The following VPS54 variants were observed in gnomAD, a reference collection of about 807,000 sequenced individuals.
VPS54 encodes vacuolar protein sorting-associated protein 54.
VPS54 carries 45 observed loss-of-function variants against 121.5 expected under a neutral mutation model. The ratio of observed to expected loss-of-function variants is 0.37; its 90% CI spans 0.29 to 0.47. The LOEUF is 0.47. Among genes scored for constraint, VPS54 ranks in the 20% least tolerant of loss-of-function variants. VPS54 has a pLI of 0.99. For missense variants in VPS54, 1,090 were observed against 1,131.4 expected (o/e 0.96, Z 0.52); for synonymous variants, 371 against 385.8 (o/e 0.96, Z 0.45).
At chr2:63,966,058 G>A (rs1344014838) in intron 5 of VPS54, 92 bp from the exon 6 acceptor site, 12 of 1,304,562 alleles carry the variant, frequency 9.2e-6, no homozygotes, top group South Asian at 1.6e-5. Context: ...CAAAATTAAC[G>A]TGGATCTTGA....
intron 3 of VPS54, among the ~76,000 whole-genome samples, chr2:63,978,941 A>C (rs1397880180): frequency 6.6e-6 from 1 of 152,138 alleles, no homozygotes. Flanking sequence ...TTTTTCTCGA[A>C]AGAGATTTGG....
chr2:63,992,388 C>T (rs573606559), intron 1 of VPS54, among the ~76,000 whole-genome samples: 14 of 152,312 alleles, frequency 9.2e-5, no homozygotes, highest in Admixed American at 5.2e-4. Context: ...GGAAAACATG[C>T]GGTATGTTCC....
intron 1 of VPS54, among the ~76,000 whole-genome samples, chr2:63,994,573 G>C (rs1031864988): frequency 1.3e-5 from 2 of 152,194 alleles, no homozygotes; most frequent in Non-Finnish European, 2.9e-5. Flanking sequence ...CTGTGCCTCG[G>C]ACATGCACCT....
chr2:63,918,637 C>T (rs990542043), intron 15 of VPS54, among the ~76,000 whole-genome samples: 2 of 151,950 alleles, frequency 1.3e-5, no homozygotes, highest in Non-Finnish European at 2.9e-5. Flanking sequence ...TTTCTCTGCC[C>T]TATATCAACT....
At chr2:63,913,161 G>A in intron 18 of VPS54, 62 bp downstream of exon 18, 1 of 1,361,416 alleles carries the variant, frequency 7.3e-7, no homozygotes, top group South Asian at 1.4e-5. Flanking sequence ...AAAAAAACAT[G>A]ATGAGAACAG....
chr2:63,936,291 A>C (rs1422361995), intron 11 of VPS54, among the ~76,000 whole-genome samples: 1 of 152,178 alleles, frequency 6.6e-6, no homozygotes, highest in African/African-American at 2.4e-5. Flanking sequence ...TATTTTTTCC[A>C]AATCCAAAGC....
intron 1 of VPS54, among the ~76,000 whole-genome samples, chr2:63,991,872 G>A (rs530473999): frequency 2.6e-5 from 4 of 152,312 alleles, no homozygotes; most frequent in African/African-American, 7.2e-5. Flanking sequence ...CTTCTTCTCA[G>A]TACAATGCTT....
At chr2:63,938,059 G>GGGGTGTGTGTGT (rs1553475198) in intron 11 of VPS54, among the ~76,000 whole-genome samples, 6 of 140,478 alleles carry the variant, frequency 4.3e-5, no homozygotes, top group East Asian at 2.0e-4. Context: ...TGGTGTGTGT[G>GGGGTGTGTGTGT]GTGTGTGTGT....
chr2:63,989,395 T>C (rs1266783739), intron 1 of VPS54, among the ~76,000 whole-genome samples: 3 of 152,196 alleles, frequency 2.0e-5, no homozygotes, highest in Non-Finnish European at 4.4e-5. Context: ...GGGGGCATCA[T>C]GGAACCTGCT....
chr2:63,931,836 G>C (rs1674218495), intron 12 of VPS54, among the ~76,000 whole-genome samples: 1 of 152,162 alleles, frequency 6.6e-6, no homozygotes, highest in Admixed American at 6.5e-5. Flanking sequence ...CCATCAAAAA[G>C]TGGGCAAAGG....
At chr2:63,981,584 G>T in intron 3 of VPS54, 62 bp downstream of exon 3, 1 of 1,490,084 alleles carries the variant, frequency 6.7e-7, no homozygotes. Flanking sequence ...CTATAATAAA[G>T]CATACTAAAA....
intron 4 of VPS54, among the ~76,000 whole-genome samples, chr2:63,970,210 T>TACACACACACAC (rs1301850062): frequency 2.0e-5 from 2 of 101,588 alleles, no homozygotes; most frequent in Admixed American, 1.1e-4. Context: ...AAAATATATA[T>TACACACACACAC]ATACACACAC....
intron 7 of VPS54, among the ~76,000 whole-genome samples, chr2:63,960,527 T>C (rs2104557323): frequency 1.3e-5 from 2 of 152,280 alleles, no homozygotes; most frequent in South Asian, 2.1e-4. Context: ...GAGGTAAAAA[T>C]TAGAACAATT....
At chr2:63,911,483 A>T (rs1251668388) in intron 20 of VPS54, among the ~76,000 whole-genome samples, 1 of 152,144 alleles carries the variant, frequency 6.6e-6, no homozygotes, top group Non-Finnish European at 1.5e-5. Flanking sequence ...TATTAATAAG[A>T]TGCTATTTAT....
In VPS54 at chr2:63,916,975, A is replaced by G. The variant is rs986271296; in HGVS notation, c.2165-12T>C. ...CCTTTCTTCTGTGGCTACAGAGTTAAGCAAATAAACGAGAGACAAGAGTAC... is the reference window on the plus strand; with the variant it reads ...CCTTTCTTCTGTGGCTACAGAGTTAGGCAAATAAACGAGAGACAAGAGTAC... On this transcript the variant is annotated splice_polypyrimidine_tract_variant and intron_variant, in intron 15 of 22. Transcript: ENST00000272322. 1.2e-6 allele frequency: 2 copies of G among 1,613,228 alleles called. No individual in the cohort carries two copies. Among genetic ancestry groups the G allele is most frequent in the Admixed American group, 1.7e-5 (1 of 59,992 alleles).
chr2:63,912,561 C>T lies in VPS54; in HGVS notation c.2523G>A (p.Arg841=), dbSNP rs778913454. Residue 841 remains arginine (R), a synonymous_variant, in exon 19 of 23, where the codon AGG becomes AGA. Transcript: ENST00000272322. ...GTACCTTAGTGATATGATCAAAATG[C>T]CTAAGCATGCTATATTGCTTAGGTG... is the stretch of plus-strand genomic sequence containing the variant. ...RLPPKQYSML[R]HFDHITKDYH... is the part of the protein sequence containing the mutation. 1.2e-6 allele frequency: 2 copies of T among 1,611,142 alleles called. No individual in the cohort carries two copies. The highest frequency in any genetic ancestry group is 1.7e-6 in the Non-Finnish European group (2 of 1,179,280).
intron 7 of VPS54, among the ~76,000 whole-genome samples, chr2:63,949,465 T>A (rs147431471): frequency 1.3e-5 from 2 of 152,214 alleles, no homozygotes; most frequent in Admixed American, 6.5e-5. Flanking sequence ...TAATAGCTTA[T>A]GTTGACCAGA....
chr2:64,015,617 A>C (rs931880932), intron 1 of VPS54, among the ~76,000 whole-genome samples: 3 of 152,208 alleles, frequency 2.0e-5, no homozygotes, highest in Non-Finnish European at 4.4e-5. Context: ...TATGACAACC[A>C]AAAATGTCTC....
At position 63,962,180 on chromosome 2, in the gene VPS54, T is replaced by G. The variant is rs1443976451; in HGVS notation, c.888A>C (p.Val296=). ...CCTGTACTGTAGGCTGAGTCTGGTG[T>G]ACAGTGGCCATTAACTTCAGCTTAT... ...VYNKLKLMAT[V]HQTQPTVQVL... The change falls in exon 7 of 23, where the codon GTA becomes GTC. Residue 296 remains valine (V), a synonymous_variant. Transcript: ENST00000272322. 1.2e-6 allele frequency: 2 copies of G among 1,613,920 alleles called. No homozygotes were observed. The highest frequency in any genetic ancestry group is 1.7e-6 in the Non-Finnish European group (2 of 1,179,890).
Sources: allele counts gnomAD v4.1 joint callset (sites outside exome capture counted in the v4.1 genomes callset), GRCh38; gene constraint gnomAD v4.1.1; transcripts MANE v1.5; gene names NCBI Gene and HGNC (gene_info 2026-07-23, HGNC 2026-07-21).